TG: variants seen among roughly 807,000 people sequenced by gnomAD.
TG encodes thyroid hormones.
In TG, 270 loss-of-function variants were observed where a neutral mutation model predicts 324.7. The ratio of observed to expected loss-of-function variants is 0.83; its 90% CI spans 0.75 to 0.92. TG has a LOEUF of 0.92. TG is among the 40% of genes least tolerant of loss of function. The pLI is 0.00. For missense variants in TG, 3,591 were observed against 3,456.4 expected, an observed-to-expected ratio of 1.04 and a Z score of -0.98; for synonymous variants, 1,401 against 1,327.0, an observed-to-expected ratio of 1.06 and a Z score of -1.21.
intron 34 of TG, among the ~76,000 whole-genome samples, chr8:132,978,575 G>A (rs1398939469): frequency 2.0e-5 from 3 of 152,180 alleles, no homozygotes; most frequent in Non-Finnish European, 4.4e-5. Flanking sequence ...AATCCCAGGG[G>A]AGAGGTAGGG....
intron 34 of TG, 22 bp downstream of exon 34, chr8:132,972,763 G>A (rs762027935): frequency 6.2e-7 from 1 of 1,613,914 alleles, no homozygotes; most frequent in South Asian, 1.1e-5. Context: ...TCTCATGACA[G>A]CTATATGGAC....
At chr8:133,133,768 C>T in intron 47 of TG, 108 bp downstream of exon 47, 1 of 1,258,666 alleles carries the variant, frequency 7.9e-7, no homozygotes, top group South Asian at 1.3e-5. Flanking sequence ...AAGGGGTCAC[C>T]AGTGCCAATG....
At chr8:132,909,693 C>G (rs1170803961) in intron 18 of TG, among the ~76,000 whole-genome samples, 1 of 152,206 alleles carries the variant, frequency 6.6e-6, no homozygotes, top group Admixed American at 6.5e-5. Flanking sequence ...CTGGGCCTTT[C>G]CCAGGCTTGG....
At chr8:132,870,177 T>A (rs972239016) in intron 3 of TG, among the ~76,000 whole-genome samples, 1 of 151,904 alleles carries the variant, frequency 6.6e-6, no homozygotes, top group African/African-American at 2.4e-5. Context: ...ATTTAAGACT[T>A]GGGTCAAAGC....
At chr8:133,024,856 TG>T (rs1183572099) in intron 40 of TG, among the ~76,000 whole-genome samples, 1 of 152,204 alleles carries the variant, frequency 6.6e-6, no homozygotes, top group African/African-American at 2.4e-5. Context: ...TTGTAAATAG[TG>T]CTGCAATAAA....
In TG at chr8:132,888,468, C is replaced by T; in HGVS notation, c.2661C>T (p.Ser887=). 2 of 1,610,892 alleles carry T rather than the reference C, an allele frequency of 1.2e-6. No homozygotes were observed. Among genetic ancestry groups the T allele is most frequent in the South Asian group, 1.1e-5 (1 of 90,450 alleles). The part of the protein sequence containing the change: ...SQYPGSYSDF[S]TPLAHFDLRN... ...ACCCGGGGTCCTACTCAGACTTCAG[C>T]ACTCCTTTGGCACATTTTGATCTTC... is the stretch of plus-strand genomic sequence containing the variant. Residue 887 remains serine, a synonymous_variant, in exon 10 of 48, where the codon AGC becomes AGT. Transcript: ENST00000220616.
rs114864741 is a variant in TG at position 132,933,565 on chromosome 8, C to T, written c.4821C>T (p.Cys1607=). 9 of 1,613,948 alleles carry T rather than the reference C, an allele frequency of 5.6e-6. No homozygotes were observed. In the East Asian group the frequency reaches 2.0e-4, roughly 36 times the overall value. ...EFPVMQCLTD[C]TEDEACSFFT... ...ACCGTCCCATGGTGCTTGCAGATTG[C>T]ACAGAGGACGAGGCCTGCAGCTTCT... The change falls in exon 24 of 48, where the codon TGC becomes TGT. Residue 1607 remains cysteine (C), a synonymous_variant. Coordinates refer to ENST00000220616, the MANE Select transcript of TG (RefSeq NM_003235.5).
At chr8:133,131,498 C>T (rs539795762) in intron 45 of TG, among the ~76,000 whole-genome samples, 2 of 152,240 alleles carry the variant, frequency 1.3e-5, no homozygotes, top group South Asian at 4.1e-4. Context: ...CCATAAGTAT[C>T]GTGGTTAGAA....
At chr8:132,911,089 G>A (rs1446693857) in intron 18 of TG, among the ~76,000 whole-genome samples, 1 of 152,206 alleles carries the variant, frequency 6.6e-6, no homozygotes, top group Non-Finnish European at 1.5e-5. Context: ...GTTGGCTAAA[G>A]TTGTTTCACC....
chr8:133,093,579 C>G (rs1319214437), intron 41 of TG, among the ~76,000 whole-genome samples: 1 of 152,198 alleles, frequency 6.6e-6, no homozygotes, highest in African/African-American at 2.4e-5. Context: ...TCCTCTGGCA[C>G]CAGGTCTCAC....
intron 37 of TG, 31 bp downstream of exon 37, chr8:133,013,795 C>A: frequency 6.2e-7 from 1 of 1,600,944 alleles, no homozygotes; most frequent in African/African-American, 1.3e-5. Context: ...TTGCAGCCAT[C>A]CTGGGAAACT....
chr8:132,875,451 C>A (rs572513519), intron 5 of TG, among the ~76,000 whole-genome samples: 2 of 152,316 alleles, frequency 1.3e-5, no homozygotes, highest in South Asian at 4.1e-4. Context: ...AAGGAACTCA[C>A]CCTAGTAAGC....
intron 44 of TG, among the ~76,000 whole-genome samples, chr8:133,116,134 G>A (rs1456112442): frequency 6.6e-6 from 1 of 152,156 alleles, no homozygotes; most frequent in African/African-American, 2.4e-5. Context: ...GAGCCCCTGG[G>A]CTGAGCTGAG....
At chr8:132,923,863 G>T (rs1055146569) in intron 22 of TG, among the ~76,000 whole-genome samples, 3 of 152,066 alleles carry the variant, frequency 2.0e-5, no homozygotes, top group Non-Finnish European at 4.4e-5. Context: ...AATCTAGTCA[G>T]CATTTCTTCC....
intron 41 of TG, among the ~76,000 whole-genome samples, chr8:133,044,458 C>A (rs1838918452): frequency 6.6e-6 from 1 of 152,104 alleles, no homozygotes. Flanking sequence ...AGGAATACAG[C>A]CTAGCACACA....
chr8:133,086,575 C>G (rs1242811920), intron 41 of TG, among the ~76,000 whole-genome samples: 3 of 152,188 alleles, frequency 2.0e-5, no homozygotes, highest in East Asian at 3.9e-4. Context: ...CCTTTTGACT[C>G]AGTAATGCCT....
chr8:133,090,080 G>A (rs1002681626), intron 41 of TG: 3 of 152,174 alleles, frequency 2.0e-5, no homozygotes, highest in African/African-American at 7.2e-5. Flanking sequence ...GCCTAAATGG[G>A]GCTTGAGACT....
chr8:133,122,223 A>G (rs748848727), intron 45 of TG, among the ~76,000 whole-genome samples: 7 of 152,214 alleles, frequency 4.6e-5, no homozygotes, highest in Non-Finnish European at 1.0e-4. Flanking sequence ...TGAGATTTTC[A>G]TTCCTGAAAT....
At chr8:133,040,521 C>A (rs987037392) in intron 41 of TG, among the ~76,000 whole-genome samples, 2 of 152,210 alleles carry the variant, frequency 1.3e-5, no homozygotes, top group African/African-American at 4.8e-5. Context: ...CGCAGCCTTC[C>A]AGGGTTTCCC....
Sources: allele counts gnomAD v4.1 joint callset (sites outside exome capture counted in the v4.1 genomes callset), GRCh38; gene constraint gnomAD v4.1.1; transcripts MANE v1.5; gene names NCBI Gene and HGNC (gene_info 2026-07-23, HGNC 2026-07-21).